The following OSBPL1A variants were observed in gnomAD, a reference collection of about 807,000 sequenced individuals.
OSBPL1A encodes the protein oxysterol binding protein like 1A, also known as oxysterol-binding protein-related protein 1.
Under a neutral mutation model 137.1 loss-of-function variants are expected in OSBPL1A, and 80 were observed. That is an observed-to-expected ratio of 0.58 (90% confidence interval 0.49 to 0.70). The LOEUF (loss-of-function observed/expected upper bound fraction) is 0.70. OSBPL1A is among the 30% of genes least tolerant of loss of function. OSBPL1A has a pLI of 0.00. For synonymous variants in OSBPL1A, 365 were observed against 389.7 expected, an observed-to-expected ratio of 0.94 and a Z score of 0.75; for missense variants, 970 against 1,129.4, an observed-to-expected ratio of 0.86 and a Z score of 2.02.
chr18:24,367,647 A>T (rs909732004), intron 3 of OSBPL1A: 3 of 27,380 alleles, frequency 1.1e-4, no homozygotes, highest in Non-Finnish European at 2.3e-4. Context: ...TGTCTTGATT[A>T]AAAAAAAAAA....
At position 24,178,214 on chromosome 18, in the gene OSBPL1A, AAAAAAAG is replaced by A; in HGVS notation, c.1911-26_1911-20del. ...GTCATCTCTTAAGATTTAAAAAAAA[AAAAAAAG>A]AAAAAAAAAAGCAACATTATAATTA... On this transcript the variant is annotated intron_variant, in intron 20 of 27. Transcript: ENST00000319481. The A allele has an allele frequency of 6.6e-7, 1 of 1,519,324 alleles. No homozygotes were observed. The highest frequency in any genetic ancestry group is 8.9e-7 in the Non-Finnish European group (1 of 1,129,808). The allele number at this position is 1,519,324 out of a possible 1,614,324, so 94.1% of individuals were successfully genotyped here.
intron 15 of OSBPL1A, among the ~76,000 whole-genome samples, chr18:24,242,531 G>A (rs1041913373): frequency 6.6e-6 from 1 of 152,012 alleles, no homozygotes. Flanking sequence ...AGCCCCCAAG[G>A]ATGAAGGCTC....
At position 24,172,397 on chromosome 18, in the gene OSBPL1A, T is replaced by C; in HGVS notation, c.2180A>G (p.Asn727Ser). 6.2e-7 allele frequency: 1 copy of C among 1,613,632 alleles called. No individual in the cohort carries two copies. The highest frequency in any genetic ancestry group is 1.1e-5 in the South Asian group (1 of 91,054). Residue 727 changes from asparagine to serine, a missense_variant, in exon 22 of 28, where the codon AAT (asparagine) becomes AGT (serine). Transcript: ENST00000319481. ...TTACTTGTGGTTTATAATTTCCACA[T>C]TGCCATACTGTTCGATCCACAGTTT... is the stretch of plus-strand genomic sequence containing the variant. ...VGKLWIEQYG[N>S]VEIINHKTGD...
Position 24,350,735 on chromosome 18 carries a change from C to T in OSBPL1A, c.283-9077G>A, listed in dbSNP as rs550235207. Among the ~76,000 whole-genome samples, 623 of 152,268 alleles carry T rather than the reference C, an allele frequency of 4.1e-3. 3 individuals are homozygous for T. The highest frequency in any genetic ancestry group is 0.01 in the Middle Eastern group (3 of 294). On this transcript the variant is annotated intron_variant, in intron 4 of 27. Coordinates refer to ENST00000319481, the MANE Select transcript of OSBPL1A (RefSeq NM_080597.4). Reference sequence around the variant, plus strand: ...ACGGTGACACAATACCTCCAAAATTCTGAGAGAAAGTGATTTCCAACCTAG... The same window carrying T: ...ACGGTGACACAATACCTCCAAAATTTTGAGAGAAAGTGATTTCCAACCTAG...
intron 16 of OSBPL1A, among the ~76,000 whole-genome samples, chr18:24,236,615 C>T (rs2088485096): frequency 6.6e-6 from 1 of 152,190 alleles, no homozygotes; most frequent in Non-Finnish European, 1.5e-5. Flanking sequence ...TGTAACAAAA[C>T]TCAGGTGTGC....
intron 24 of OSBPL1A, among the ~76,000 whole-genome samples, chr18:24,169,418 A>T (rs76501279): frequency 0.019 from 2,923 of 152,332 alleles, 30 homozygotes; most frequent in Middle Eastern, 0.065. Flanking sequence ...GAGCTCGCAG[A>T]TGATGCTCAA....
chr18:24,330,675 C>G (rs563023278), intron 7 of OSBPL1A, among the ~76,000 whole-genome samples: 58 of 152,046 alleles, frequency 3.8e-4, no homozygotes, highest in Non-Finnish European at 7.4e-4. Context: ...CCACCCGCCT[C>G]GGCCTCCCAA....
At chr18:24,319,839 T>C (rs1397325805) in intron 7 of OSBPL1A, among the ~76,000 whole-genome samples, 1 of 152,138 alleles carries the variant, frequency 6.6e-6, no homozygotes, top group African/African-American at 2.4e-5. Context: ...AGGAAGGTGA[T>C]ATATTCTATC....
chr18:24,187,398 A>G lies in OSBPL1A; in HGVS notation c.1678-6119T>C, dbSNP rs542960185. Among the ~76,000 whole-genome samples the G allele has an allele frequency of 6.6e-5, 10 of 152,258 alleles. No individual in the cohort carries two copies. The East Asian group carries it at 1.9e-3, about 29-fold the overall frequency. On this transcript the variant is annotated intron_variant, in intron 18 of 27. Transcript: ENST00000319481. Reference sequence around the variant, plus strand: ...GTGAAGGTGGTGCCTTTTTTGTTATATATATTTTGCCATAATTGTAAAACC... The same window carrying G: ...GTGAAGGTGGTGCCTTTTTTGTTATGTATATTTTGCCATAATTGTAAAACC...
At chr18:24,195,612 C>A (rs1424981788) in intron 18 of OSBPL1A, among the ~76,000 whole-genome samples, 1 of 152,192 alleles carries the variant, frequency 6.6e-6, no homozygotes, top group Non-Finnish European at 1.5e-5. Flanking sequence ...GTGGTGTTGA[C>A]TACTACCTTC....
chr18:24,313,082 C>A (rs1326827728), intron 12 of OSBPL1A, among the ~76,000 whole-genome samples: 1 of 151,264 alleles, frequency 6.6e-6, no homozygotes, highest in Non-Finnish European at 1.5e-5. Flanking sequence ...CAAGATCACA[C>A]CAGTGCACTC....
chr18:24,204,475 T>C (rs1328102634), intron 17 of OSBPL1A, among the ~76,000 whole-genome samples: 1 of 152,164 alleles, frequency 6.6e-6, no homozygotes, highest in African/African-American at 2.4e-5. Context: ...CAAAAAACTT[T>C]TACAAACAAG....
chr18:24,299,823 A>G (rs370863145), intron 14 of OSBPL1A, among the ~76,000 whole-genome samples: 1 of 152,234 alleles, frequency 6.6e-6, no homozygotes, highest in East Asian at 1.9e-4. Context: ...GGCATGTAAA[A>G]TAACATATCT....
intron 17 of OSBPL1A, among the ~76,000 whole-genome samples, chr18:24,222,366 T>G (rs1252863506): frequency 6.6e-6 from 1 of 152,178 alleles, no homozygotes; most frequent in Non-Finnish European, 1.5e-5. Flanking sequence ...TCATCTACCC[T>G]GTATTTGGCG....
Position 24,271,626 on chromosome 18 carries a change from G to A in OSBPL1A, c.1281+9216C>T. 2 of 985,860 alleles carry A rather than the reference G, an allele frequency of 2.0e-6. No individual in the cohort carries two copies. Among genetic ancestry groups the A allele is most frequent in the Non-Finnish European group, 2.4e-6 (2 of 830,272 alleles). The allele number at this position is 985,860 out of a possible 1,614,324, so 61.1% of individuals were successfully genotyped here. A position where few individuals can be genotyped will look rare whatever the true frequency, so the allele number is the denominator to read the frequency against. Reference sequence around the variant, plus strand: ...GCTGCAAATACACCCACCTACCTGGGCCAGATCCGAGGACCCCGGCTGGCG... The same window carrying A: ...GCTGCAAATACACCCACCTACCTGGACCAGATCCGAGGACCCCGGCTGGCG... On this transcript the variant is annotated intron_variant, in intron 15 of 27. Coordinates refer to ENST00000319481, the MANE Select transcript of OSBPL1A (RefSeq NM_080597.4). This position sits in a 1 kb window ranked among gnomAD's most constrained non-coding sequence, Gnocchi z 4.0.
chr18:24,345,453 G>A (rs777808156), intron 4 of OSBPL1A, among the ~76,000 whole-genome samples: 1 of 152,154 alleles, frequency 6.6e-6, no homozygotes, highest in African/African-American at 2.4e-5. Flanking sequence ...TTGAGAGGCC[G>A]AGGTGGGCGG....
At chr18:24,345,322 C>A (rs1028673099) in intron 4 of OSBPL1A, among the ~76,000 whole-genome samples, 3 of 151,968 alleles carry the variant, frequency 2.0e-5, no homozygotes, top group Admixed American at 6.6e-5. Flanking sequence ...CACTGCCGAC[C>A]TTTGGAAAAA....
chr18:24,196,385 C>T (rs2087032092), intron 17 of OSBPL1A, among the ~76,000 whole-genome samples, 185 bp from the exon 18 acceptor site: 1 of 152,174 alleles, frequency 6.6e-6, no homozygotes, highest in African/African-American at 2.4e-5. Context: ...TACTTTGGCC[C>T]CTGAAAGATT....
Position 24,377,340 on chromosome 18 carries a change from G to C in OSBPL1A, c.121+73C>G, listed in dbSNP as rs533632487. 1.3e-4 allele frequency: 193 copies of C among 1,473,920 alleles called. 2 individuals carry two copies. The East Asian group carries it at 4.6e-3, about 35-fold the overall frequency. 91.3% of individuals were successfully genotyped at this position (1,473,920 alleles called of 1,614,324 possible). Reference sequence around the variant, plus strand: ...GATTAATTACATGATAGATAAGAAAGGTTAGCATTAAATAAATGCTAAGAG... The same window carrying C: ...GATTAATTACATGATAGATAAGAAACGTTAGCATTAAATAAATGCTAAGAG... On this transcript the variant is annotated intron_variant, in intron 2 of 27. Coordinates refer to ENST00000319481, the MANE Select transcript of OSBPL1A (RefSeq NM_080597.4).
Sources: allele counts gnomAD v4.1 joint callset (sites outside exome capture counted in the v4.1 genomes callset), GRCh38; gene constraint gnomAD v4.1.1; non-coding constraint Gnocchi (gnomAD v3.1); transcripts MANE v1.5; gene names NCBI Gene and HGNC (gene_info 2026-07-23, HGNC 2026-07-21).